TRIP12: variants seen among roughly 807,000 people sequenced by gnomAD.
TRIP12 encodes E3 ubiquitin-protein ligase TRIP12.
A neutral mutation model predicts 244.2 loss-of-function variants in TRIP12; 25 were observed. The observed-to-expected ratio is 0.10, with a 90% CI of 0.07 to 0.14. The LOEUF is 0.14. Among genes scored for constraint, TRIP12 ranks in the 10% least tolerant of loss-of-function variants. The pLI, the probability that TRIP12 is intolerant of heterozygous loss-of-function variation, is 1.00. For missense variants in TRIP12, 1,677 were observed against 2,486.4 expected, an observed-to-expected ratio of 0.67 and a Z score of 6.92; for synonymous variants, 905 against 873.1, an observed-to-expected ratio of 1.04 and a Z score of -0.64.
chr2:229,913,766 C>G (rs1373590859), intron 1 of TRIP12, among the ~76,000 whole-genome samples: 1 of 152,186 alleles, frequency 6.6e-6, no homozygotes, highest in African/African-American at 2.4e-5. Flanking sequence ...TGTTGGAAGC[C>G]TTGTGCTAGA....
chr2:229,839,275 G>C (rs1046707228), intron 5 of TRIP12, among the ~76,000 whole-genome samples: 4 of 152,210 alleles, frequency 2.6e-5, no homozygotes, highest in Admixed American at 2.6e-4. Flanking sequence ...ACACGGCCTA[G>C]ATGTGTAGTA....
intron 21 of TRIP12, among the ~76,000 whole-genome samples, chr2:229,800,344 G>A (rs1440246124): frequency 6.6e-6 from 1 of 152,078 alleles, no homozygotes; most frequent in Non-Finnish European, 1.5e-5. Flanking sequence ...TCTAACGACA[G>A]TAGAAATAGT....
intron 8 of TRIP12, among the ~76,000 whole-genome samples, chr2:229,824,497 C>T (rs895459148): frequency 1.1e-4 from 16 of 152,090 alleles, no homozygotes; most frequent in African/African-American, 3.6e-4. Context: ...CTACATTTCA[C>T]TGAAGCCTTG....
At chr2:229,898,657 AAG>A (rs1165416645) in intron 1 of TRIP12, among the ~76,000 whole-genome samples, 1 of 152,222 alleles carries the variant, frequency 6.6e-6, no homozygotes, top group African/African-American at 2.4e-5. Flanking sequence ...GTATAAAAAA[AAG>A]ATTCTTCTCT....
At chr2:229,889,834 C>G (rs748951188) in intron 1 of TRIP12, among the ~76,000 whole-genome samples, 3 of 152,076 alleles carry the variant, frequency 2.0e-5, no homozygotes, top group Non-Finnish European at 4.4e-5. Context: ...TTTGTAAATG[C>G]TTCTCTCCCT....
intron 4 of TRIP12, among the ~76,000 whole-genome samples, chr2:229,845,531 G>GC (rs2057392920): frequency 6.6e-6 from 1 of 151,864 alleles, no homozygotes; most frequent in South Asian, 2.1e-4. Context: ...CAGACTTTGA[G>GC]GGGGAAAAAA....
At chr2:229,846,578 TTTAA>T (rs1266084758) in intron 4 of TRIP12, among the ~76,000 whole-genome samples, 1 of 152,154 alleles carries the variant, frequency 6.6e-6, no homozygotes, top group Non-Finnish European at 1.5e-5. Context: ...TTACTGTGAT[TTTAA>T]TTTTCTTGTG....
intron 5 of TRIP12, among the ~76,000 whole-genome samples, chr2:229,839,940 G>C (rs1293758767): frequency 1.3e-5 from 2 of 152,136 alleles, no homozygotes; most frequent in Non-Finnish European, 2.9e-5. Flanking sequence ...ATTGGAGATG[G>C]GAGAGAACAC....
At chr2:229,864,047 A>AGAGAGAGAGAGAGAGAGAGAGTGTGTGT in intron 2 of TRIP12, among the ~76,000 whole-genome samples, 9 of 79,284 alleles carry the variant, frequency 1.1e-4, no homozygotes, top group East Asian at 4.3e-4. Context: ...AGAGAGAGAG[A>AGAGAGAGAGAGAGAGAGAGAGTGTGTGT]GTGTGTGTGT....
At chr2:229,772,779 T>A (rs968449251) in intron 38 of TRIP12, among the ~76,000 whole-genome samples, 1 of 150,554 alleles carries the variant, frequency 6.6e-6, no homozygotes, top group African/African-American at 2.5e-5. Context: ...ATTTAACCTA[T>A]ATTCTCTCTC....
intron 1 of TRIP12, among the ~76,000 whole-genome samples, chr2:229,911,569 C>T (rs1577101713): frequency 1.3e-5 from 2 of 152,148 alleles, no homozygotes; most frequent in South Asian, 4.1e-4. Flanking sequence ...TTTCAAATAG[C>T]TAGAGGGAAG....
At chr2:229,912,508 C>T (rs1405470979) in intron 1 of TRIP12, among the ~76,000 whole-genome samples, 1 of 152,206 alleles carries the variant, frequency 6.6e-6, no homozygotes, top group South Asian at 2.1e-4. Flanking sequence ...GCCCATTTAC[C>T]TTAATATTAG....
chr2:229,852,402 G>A (rs1438264422), intron 4 of TRIP12, among the ~76,000 whole-genome samples: 2 of 151,802 alleles, frequency 1.3e-5, no homozygotes, highest in Non-Finnish European at 2.9e-5. Flanking sequence ...AGGTAGATTA[G>A]CAAAATATAT....
At chr2:229,825,965 C>A (rs1283122814) in intron 8 of TRIP12, among the ~76,000 whole-genome samples, 1 of 152,106 alleles carries the variant, frequency 6.6e-6, no homozygotes, top group Non-Finnish European at 1.5e-5. Context: ...CCACTGCTTA[C>A]AATTATACTT....
intron 4 of TRIP12, among the ~76,000 whole-genome samples, chr2:229,844,223 A>C (rs2154316166): frequency 6.6e-6 from 1 of 152,286 alleles, no homozygotes; most frequent in South Asian, 2.1e-4. Flanking sequence ...TCTACTTGAA[A>C]TTTTATAAAT....
At position 229,805,806 on chromosome 2, in the gene TRIP12, C is replaced by A; in HGVS notation, c.2574G>T (p.Met858Ile). The A allele has an allele frequency of 6.2e-7, 1 of 1,611,572 alleles. No homozygotes were observed. The highest frequency in any genetic ancestry group is 1.1e-5 in the South Asian group (1 of 90,888). The change falls in exon 18 of 42, where the codon ATG (methionine) becomes ATT (isoleucine). Residue 858 changes from methionine (M) to isoleucine (I), a missense_variant. By Grantham distance (10) the Met-to-Ile change is conservative. Coordinates refer to ENST00000675903, the MANE Select transcript of TRIP12 (RefSeq NM_001348323.3). ...GRVYTIDFNS[M>I]QQINEDTGTA... ...TTCCCGTGTCCTCATTGATTTGCTG[C>A]ATAGAATTAAAATCAATAGTATAAA...
intron 30 of TRIP12, among the ~76,000 whole-genome samples, 176 bp from the exon 31 acceptor site, chr2:229,789,938 G>A (rs1363083900): frequency 6.6e-6 from 1 of 152,140 alleles, no homozygotes; most frequent in African/African-American, 2.4e-5. Context: ...TATATATAAA[G>A]TGCCTTGGCT....
At chr2:229,767,853 T>C in intron 41 of TRIP12, 103 bp from the exon 42 acceptor site, 4 of 1,181,918 alleles carry the variant, frequency 3.4e-6, no homozygotes, top group South Asian at 1.7e-5. Context: ...ACACAAGATA[T>C]TCTTTCTTGC....
chr2:229,820,733 C>A (rs954385280), intron 8 of TRIP12, among the ~76,000 whole-genome samples: 1 of 152,152 alleles, frequency 6.6e-6, no homozygotes, highest in Admixed American at 6.5e-5. Context: ...GGATTACAGG[C>A]ACAAGCCAAC....
Sources: allele counts gnomAD v4.1 joint callset (sites outside exome capture counted in the v4.1 genomes callset), GRCh38; gene constraint gnomAD v4.1.1; transcripts MANE v1.5; gene names NCBI Gene and HGNC (gene_info 2026-07-23, HGNC 2026-07-21).